TGFBR3: variants seen among roughly 807,000 people sequenced by gnomAD.
The protein encoded by TGFBR3 is transforming growth factor beta receptor 3.
Under a neutral mutation model 87.9 loss-of-function variants are expected in TGFBR3, and 46 were observed. That is an observed-to-expected ratio of 0.52 (90% confidence interval 0.41 to 0.67). The LOEUF (loss-of-function observed/expected upper bound fraction) is 0.67. Among genes scored for constraint, TGFBR3 ranks in the 30% least tolerant of loss-of-function variants. The pLI, the probability that TGFBR3 is intolerant of heterozygous loss-of-function variation, is 0.00. For synonymous variants in TGFBR3, 381 were observed against 391.6 expected (o/e 0.97, Z 0.32); for missense variants, 866 against 1,041.9 (o/e 0.83, Z 2.32).
chr1:91,902,936 C>T (rs552679070), intron 1 of TGFBR3, among the ~76,000 whole-genome samples: 1 of 151,790 alleles, frequency 6.6e-6, no homozygotes, highest in East Asian at 1.9e-4. Flanking sequence ...GCAGGGATGC[C>T]CTCCAGATCT....
chr1:91,712,273 C>T lies in TGFBR3; in HGVS notation c.2136G>A (p.Lys712=). 1 of 1,614,198 alleles carries T rather than the reference C, an allele frequency of 6.2e-7. No individual in the cohort carries two copies. The highest frequency in any genetic ancestry group is 8.5e-7 in the Non-Finnish European group (1 of 1,180,042). ...GCAACTTCTGGGGGTGCTTCTCCAT[C>T]TTCGTACACAGCGTCAGCTCACACT... ...FLQCELTLCT[K]MEKHPQKLPK... Residue 712 remains lysine (K), a synonymous_variant, in exon 13 of 17, where the codon AAG becomes AAA. Transcript: ENST00000212355.
chr1:91,837,100 C>T (rs1677092513), intron 2 of TGFBR3, among the ~76,000 whole-genome samples: 2 of 152,042 alleles, frequency 1.3e-5, no homozygotes, highest in Admixed American at 6.6e-5. Context: ...GTTGGGGATT[C>T]TTAATAGATT....
intron 1 of TGFBR3, among the ~76,000 whole-genome samples, chr1:91,876,584 C>G (rs567517829): frequency 1.3e-5 from 2 of 152,240 alleles, no homozygotes; most frequent in East Asian, 3.9e-4. Context: ...ATAACAAAAA[C>G]CATAGCACCA....
chr1:91,720,754 T>C (rs971670896), intron 8 of TGFBR3, among the ~76,000 whole-genome samples: 1 of 152,224 alleles, frequency 6.6e-6, no homozygotes, highest in Admixed American at 6.5e-5. Flanking sequence ...TATTATTCCA[T>C]TGAAATGCCA....
At chr1:91,735,022 G>A (rs1216842682) in intron 4 of TGFBR3, 63 bp from the exon 5 acceptor site, 4 of 1,586,140 alleles carry the variant, frequency 2.5e-6, no homozygotes, top group Non-Finnish European at 2.6e-6. Flanking sequence ...CATAATTAGA[G>A]AAAGTACTTC....
rs970249127 is a variant in TGFBR3 at position 91,830,692 on chromosome 1, C to G, written c.61+30779G>C. Among the ~76,000 whole-genome samples the G allele has an allele frequency of 4.6e-5, 7 of 152,046 alleles. No individual in the cohort carries two copies. The South Asian group carries it at 1.2e-3, about 27-fold the overall frequency. On this transcript the variant is annotated intron_variant, in intron 2 of 16. Coordinates refer to ENST00000212355, the MANE Select transcript of TGFBR3 (RefSeq NM_003243.5). ...TGATTTCAGGTGGGGTCCAATACCC[C>G]ACCCCTGACAGATCTCGGTCTGGGG...
intron 1 of TGFBR3, among the ~76,000 whole-genome samples, chr1:91,879,595 T>A (rs955360547): frequency 6.6e-6 from 1 of 152,216 alleles, no homozygotes; most frequent in African/African-American, 2.4e-5. Context: ...AAATGAAGAA[T>A]AAGTTCCAAA....
chr1:91,885,533 G>A (rs1262223351), intron 1 of TGFBR3, among the ~76,000 whole-genome samples: 11 of 152,196 alleles, frequency 7.2e-5, no homozygotes, highest in Admixed American at 7.2e-4. Context: ...TCACGCGCCC[G>A]GAGGGAAGTG....
intron 3 of TGFBR3, among the ~76,000 whole-genome samples, chr1:91,759,137 C>A (rs998989610): frequency 8.5e-5 from 13 of 152,222 alleles, no homozygotes; most frequent in Middle Eastern, 3.4e-3. Context: ...AAAACAAAAT[C>A]CCCTTGGGGT....
chr1:91,824,051 G>C (rs1226967063), intron 2 of TGFBR3, among the ~76,000 whole-genome samples: 1 of 152,152 alleles, frequency 6.6e-6, no homozygotes, highest in Non-Finnish European at 1.5e-5. Flanking sequence ...GATCACCTGA[G>C]CCTGGGAGGT....
At chr1:91,837,323 G>A (rs1036723871) in intron 2 of TGFBR3, among the ~76,000 whole-genome samples, 14 of 152,060 alleles carry the variant, frequency 9.2e-5, no homozygotes, top group Non-Finnish European at 1.2e-4. Flanking sequence ...TCGGCTCACT[G>A]CAGCCTCCAC....
intron 2 of TGFBR3, among the ~76,000 whole-genome samples, chr1:91,807,078 G>A (rs1675861934): frequency 1.3e-5 from 2 of 152,188 alleles, no homozygotes; most frequent in African/African-American, 4.8e-5. Flanking sequence ...CGCCTGACGT[G>A]TACATAACAT....
intron 3 of TGFBR3, among the ~76,000 whole-genome samples, chr1:91,797,008 G>C (rs982717823): frequency 1.3e-5 from 2 of 152,008 alleles, no homozygotes; most frequent in African/African-American, 4.8e-5. Flanking sequence ...GAGATTACAG[G>C]TGTGCACCAT....
intron 2 of TGFBR3, among the ~76,000 whole-genome samples, chr1:91,853,361 C>A (rs1296177543): frequency 6.7e-6 from 1 of 149,638 alleles, no homozygotes; most frequent in African/African-American, 2.5e-5. Flanking sequence ...TCTATCCTTA[C>A]ATTCCCTGGT....
At chr1:91,842,055 A>G (rs1262041515) in intron 2 of TGFBR3, among the ~76,000 whole-genome samples, 1 of 150,568 alleles carries the variant, frequency 6.6e-6, no homozygotes, top group Admixed American at 6.6e-5. Context: ...CAGCCAAGAA[A>G]TGTGCCCCTG....
chr1:91,894,966 T>C (rs1679523904), intron 2 of TGFBR3, among the ~76,000 whole-genome samples: 1 of 152,158 alleles, frequency 6.6e-6, no homozygotes, highest in Non-Finnish European at 1.5e-5. Flanking sequence ...GAGAAGGGGT[T>C]TCACCATGTT....
chr1:91,688,938 A>G (rs1671182882), intron 16 of TGFBR3, among the ~76,000 whole-genome samples: 1 of 152,168 alleles, frequency 6.6e-6, no homozygotes, highest in African/African-American at 2.4e-5. Context: ...GGGATCAGAC[A>G]GATGCAGCTG....
chr1:91,713,601 C>T lies in TGFBR3; in HGVS notation c.1867-1059G>A, dbSNP rs535845483. ...AAACAGACTTTCCACGCTGAGATAC[C>T]CAGGGGAAACCCCTGACATCACATG... On this transcript the variant is annotated intron_variant, in intron 12 of 16. Coordinates refer to ENST00000212355, the MANE Select transcript of TGFBR3 (RefSeq NM_003243.5). Among the ~76,000 whole-genome samples the T allele has an allele frequency of 8.3e-4, 127 of 152,214 alleles. No individual in the cohort carries two copies. The South Asian group carries it at 0.02, about 24-fold the overall frequency.
intron 1 of TGFBR3, among the ~76,000 whole-genome samples, chr1:91,879,072 C>A (rs1678971687): frequency 6.6e-6 from 1 of 151,928 alleles, no homozygotes; most frequent in Non-Finnish European, 1.5e-5. Flanking sequence ...AGTTCGAGAC[C>A]AGCCTGGACA....
Sources: gnomAD v4.1 joint callset for allele counts (sites outside exome capture counted in the v4.1 genomes callset) on GRCh38, gnomAD v4.1.1 for gene constraint, MANE v1.5 for transcripts, NCBI Gene and HGNC (gene_info 2026-07-23, HGNC 2026-07-21) for gene names.